The following ELAPOR1 variants were observed in gnomAD, a reference collection of about 807,000 sequenced individuals.
ELAPOR1 encodes endosome-lysosome associated apoptosis and autophagy regulator 1.
A neutral mutation model predicts 119.7 loss-of-function variants in ELAPOR1; 77 were observed. That is an observed-to-expected ratio of 0.64 (90% CI 0.54 to 0.78). ELAPOR1 has a LOEUF of 0.78. Ranked by LOEUF, ELAPOR1 falls within the 30% of genes least tolerant of loss-of-function variation. The probability of loss-of-function intolerance (pLI) is 0.00; values close to 1 mark genes in which losing one functional copy is unlikely to be tolerated. For synonymous variants in ELAPOR1, 481 were observed against 487.2 expected, an observed-to-expected ratio of 0.99 and a Z score of 0.17; for missense variants, 1,115 against 1,270.4, an observed-to-expected ratio of 0.88 and a Z score of 1.86.
intron 7 of ELAPOR1, among the ~76,000 whole-genome samples, chr1:109,183,749 T>TG (rs896064641): frequency 1.3e-5 from 2 of 152,016 alleles, no homozygotes; most frequent in African/African-American, 4.8e-5. Context: ...ATCAAGTAGC[T>TG]GGGACTATAG....
In ELAPOR1 at chr1:109,190,688, T is replaced by C. The variant is rs541640830; in HGVS notation, c.1440-678T>C. Reference sequence around the variant, plus strand: ...TTTTGGAATAACATTCAAAAAGTACTTTCCAATTTGCAAATCTGATCGTCA... The same window carrying C: ...TTTTGGAATAACATTCAAAAAGTACCTTCCAATTTGCAAATCTGATCGTCA... On this transcript the variant is annotated intron_variant, in intron 11 of 21. Transcript: ENST00000369939. Among the ~76,000 whole-genome samples the C allele has an allele frequency of 3.9e-5, 6 of 152,318 alleles. No individual in the cohort carries two copies. The East Asian group carries it at 9.6e-4, about 24-fold the overall frequency.
chr1:109,191,563 C>A, intron 12 of ELAPOR1, 92 bp downstream of exon 12: 3 of 1,374,970 alleles, frequency 2.2e-6, no homozygotes, highest in Non-Finnish European at 2.1e-6. Context: ...TGACACCCCC[C>A]CTTGTAGTGA....
chr1:109,166,150 C>T (rs141930589), intron 3 of ELAPOR1, among the ~76,000 whole-genome samples: 3,957 of 152,056 alleles, frequency 0.026, 156 homozygotes, highest in African/African-American at 0.089. Context: ...CTCCTGACCT[C>T]GTGATCCACC....
chr1:109,149,305 CT>C (rs796955946), intron 1 of ELAPOR1, among the ~76,000 whole-genome samples: 133 of 144,344 alleles, frequency 9.2e-4, no homozygotes, highest in Middle Eastern at 3.6e-3. Flanking sequence ...AGAGCAGTAG[CT>C]TTTTTTTTTT....
chr1:109,200,847 A>C lies in ELAPOR1; in HGVS notation c.2920A>C (p.Ile974Leu). ...AGGCGAGGATGTAGAGGACGACCTC[A>C]TCTTTACCAGCAAGAAGTCACTCTT... Reference protein sequence around the residue: ...MEGEDVEDDLIFTSKKSLFGK... With the variant: ...MEGEDVEDDLLFTSKKSLFGK... The change falls in exon 21 of 22, where the codon ATC becomes CTC. Residue 974 changes from isoleucine to leucine, a missense_variant. Coordinates refer to ENST00000369939, the MANE Select transcript of ELAPOR1 (RefSeq NM_020775.5). 6.2e-7 allele frequency: 1 copy of C among 1,614,202 alleles called. No individual in the cohort carries two copies. The highest frequency in any genetic ancestry group is 8.5e-7 in the Non-Finnish European group (1 of 1,180,028).
chr1:109,182,617 C>T (rs621414), intron 7 of ELAPOR1, among the ~76,000 whole-genome samples: 66,661 of 151,748 alleles, frequency 0.44, 17,459 homozygotes, highest in Non-Finnish European at 0.57. Context: ...CCTGTAATCC[C>T]AGCACTTTGG....
At chr1:109,190,057 A>T (rs1205399100) in intron 11 of ELAPOR1, among the ~76,000 whole-genome samples, 1 of 152,198 alleles carries the variant, frequency 6.6e-6, no homozygotes, top group Non-Finnish European at 1.5e-5. Context: ...GGGAAGGATT[A>T]TTCTTACTGT....
intron 13 of ELAPOR1, 61 bp from the exon 14 acceptor site, chr1:109,192,550 C>G: frequency 1.3e-6 from 2 of 1,548,464 alleles, no homozygotes; most frequent in Non-Finnish European, 8.8e-7. Flanking sequence ...TTTCTAGAGG[C>G]CTCAATTGTT....
At chr1:109,177,240 C>T (rs1310855412) in intron 7 of ELAPOR1, among the ~76,000 whole-genome samples, 1 of 138,146 alleles carries the variant, frequency 7.2e-6, no homozygotes, top group South Asian at 2.3e-4. Context: ...GGGGGCTGAC[C>T]CCCCCACCTC....
intron 3 of ELAPOR1, among the ~76,000 whole-genome samples, chr1:109,166,704 T>C: frequency 6.6e-6 from 1 of 152,176 alleles, no homozygotes; most frequent in East Asian, 1.9e-4. Context: ...TAATGCCACA[T>C]TCAAATAACA....
chr1:109,153,363 T>C (rs1650653788), intron 1 of ELAPOR1, among the ~76,000 whole-genome samples: 1 of 152,116 alleles, frequency 6.6e-6, no homozygotes, highest in Non-Finnish European at 1.5e-5. Context: ...TGCAATATTA[T>C]TTAAAATAAG....
intron 15 of ELAPOR1, among the ~76,000 whole-genome samples, chr1:109,195,898 TGTAATCCCA>T: frequency 6.6e-6 from 1 of 152,366 alleles, no homozygotes; most frequent in East Asian, 1.9e-4. Flanking sequence ...GGCTCACGCC[TGTAATCCCA>T]GCAATTTGGA....
intron 7 of ELAPOR1, among the ~76,000 whole-genome samples, chr1:109,176,746 C>T (rs988594504): frequency 4.2e-5 from 6 of 141,816 alleles, no homozygotes; most frequent in Non-Finnish European, 9.2e-5. Flanking sequence ...GGCAGAGGAC[C>T]CTGCGGCCTT....
At position 109,114,265 on chromosome 1, in the gene ELAPOR1, C is replaced by A; in HGVS notation, c.82C>A (p.Leu28Met). Residue 28 changes from leucine to methionine, a missense_variant, in exon 1 of 22, where the codon CTG becomes ATG. Physicochemically the swap from Leu to Met is conservative, Grantham distance 15 (BLOSUM62 2). Coordinates refer to ENST00000369939, the MANE Select transcript of ELAPOR1 (RefSeq NM_020775.5). ...GAGGCGCATACCCCGGCTGTGGCGG[C>A]TGCTGCTCTGGGCTGGGACCGCCTT... is the stretch of plus-strand genomic sequence containing the variant. ...TERRIPRLWR[L>M]LLWAGTAFQV... is the part of the protein sequence containing the mutation. 6.2e-7 allele frequency: 1 copy of A among 1,600,190 alleles called. No homozygotes were observed.
intron 1 of ELAPOR1, among the ~76,000 whole-genome samples, chr1:109,129,093 C>T (rs988026391): frequency 6.6e-6 from 1 of 152,076 alleles, no homozygotes; most frequent in African/African-American, 2.4e-5. Flanking sequence ...ATGTTTTTAC[C>T]AAATAGTTAT....
intron 1 of ELAPOR1, among the ~76,000 whole-genome samples, chr1:109,125,365 C>T (rs1369241352): frequency 6.6e-6 from 1 of 150,826 alleles, no homozygotes; most frequent in African/African-American, 2.5e-5. Flanking sequence ...AACCAACATG[C>T]CTGGCCAAGC....
intron 3 of ELAPOR1, among the ~76,000 whole-genome samples, chr1:109,169,883 G>A (rs1395228132): frequency 6.6e-6 from 1 of 152,202 alleles, no homozygotes; most frequent in Non-Finnish European, 1.5e-5. Flanking sequence ...TGCCTAAGGA[G>A]ACAGGAACAC....
chr1:109,198,055 G>T lies in ELAPOR1; in HGVS notation c.2379G>T (p.Pro793=). ...TCCACCTGGAGTCCTTGGGAATACC[G>T]GACGTGATCTTCTTTTATAGGTGAA... is the stretch of plus-strand genomic sequence containing the variant. ...ELFHLESLGI[P]DVIFFYRSND... is the part of the protein sequence containing the mutation. The change falls in exon 17 of 22, where the codon CCG becomes CCT. Residue 793 remains proline, a synonymous_variant. Coordinates refer to ENST00000369939, the MANE Select transcript of ELAPOR1 (RefSeq NM_020775.5). 6.2e-7 allele frequency: 1 copy of T among 1,613,602 alleles called. No individual in the cohort carries two copies.
intron 1 of ELAPOR1, among the ~76,000 whole-genome samples, chr1:109,158,895 T>A (rs1651062377): frequency 1.3e-5 from 2 of 151,320 alleles, no homozygotes; most frequent in South Asian, 4.2e-4. Flanking sequence ...TTATGTCTTT[T>A]TTTTTTTTTT....
Sources: allele counts gnomAD v4.1 joint callset (sites outside exome capture counted in the v4.1 genomes callset), GRCh38; gene constraint gnomAD v4.1.1; transcripts MANE v1.5; gene names NCBI Gene and HGNC (gene_info 2026-07-23, HGNC 2026-07-21).